FHIT: variants seen among roughly 807,000 people sequenced by gnomAD.
The protein encoded by FHIT is bis(5'-adenosyl)-triphosphatase.
Under a neutral mutation model 17.9 loss-of-function variants are expected in FHIT, and 19 were observed. The observed-to-expected ratio is 1.06, with a 90% confidence interval of 0.74 to 1.56. The LOEUF (loss-of-function observed/expected upper bound fraction) is 1.56, where lower values mean the gene tolerates loss of function less well. Ranked by LOEUF, FHIT falls within the 40% of genes most tolerant of loss-of-function variation. The probability of loss-of-function intolerance (pLI) is 0.00; values close to 1 mark genes in which losing one functional copy is unlikely to be tolerated. For synonymous variants in FHIT, 81 were observed against 69.7 expected (o/e 1.16, Z -0.81); for missense variants, 248 against 189.2 (o/e 1.31, Z -1.82).
At chr3:60,431,845 AT>A (rs1276926444) in intron 5 of FHIT, among the ~76,000 whole-genome samples, 1 of 152,070 alleles carries the variant, frequency 6.6e-6, no homozygotes, top group African/African-American at 2.4e-5. Flanking sequence ...CTGAGACAAA[AT>A]TAACTGTTGC....
chr3:60,570,390 C>T (rs2037332937), intron 4 of FHIT, among the ~76,000 whole-genome samples: 1 of 152,076 alleles, frequency 6.6e-6, no homozygotes, highest in South Asian at 2.1e-4. Context: ...AATACATCTC[C>T]AGGCACAGCA....
At chr3:59,949,851 G>T (rs1420421541) in intron 7 of FHIT, among the ~76,000 whole-genome samples, 3 of 152,114 alleles carry the variant, frequency 2.0e-5, no homozygotes, top group African/African-American at 7.2e-5. Context: ...ATTGCTGATG[G>T]GGAACGCAGG....
intron 8 of FHIT, among the ~76,000 whole-genome samples, chr3:59,787,529 C>CACA (rs926298770): frequency 6.1e-5 from 9 of 147,710 alleles, no homozygotes; most frequent in African/African-American, 2.3e-4. Flanking sequence ...CACACACACA[C>CACA]GTCAAAGGCT....
intron 3 of FHIT, among the ~76,000 whole-genome samples, chr3:61,040,405 A>C (rs1396949465): frequency 3.9e-5 from 6 of 152,252 alleles, no homozygotes; most frequent in Non-Finnish European, 7.3e-5. Context: ...GGATAAGGTG[A>C]TAGGCCACCA....
At chr3:59,913,224 A>C (rs925346169) in intron 8 of FHIT, among the ~76,000 whole-genome samples, 1 of 151,902 alleles carries the variant, frequency 6.6e-6, no homozygotes, top group Non-Finnish European at 1.5e-5. Context: ...TGTGTGTGTA[A>C]ATGTCTCTAA....
rs150128744 is a variant in FHIT at position 60,157,470 on chromosome 3, T to C, written c.104-143318A>G. Among the ~76,000 whole-genome samples the C allele has an allele frequency of 1.6e-4, 25 of 152,302 alleles. No homozygotes were observed. The East Asian group carries it at 4.8e-3, about 29-fold the overall frequency. ...TGTCCCTTCTAGTTTGAATATTCTA[T>C]GATATTCTGAAAAAAAATAATAATA... is the stretch of plus-strand genomic sequence containing the variant. On this transcript the variant is annotated intron_variant, in intron 5 of 9. Coordinates refer to ENST00000492590, the MANE Select transcript of FHIT (RefSeq NM_002012.4).
At chr3:59,856,049 G>A (rs1258681261) in intron 8 of FHIT, among the ~76,000 whole-genome samples, 1 of 152,040 alleles carries the variant, frequency 6.6e-6, no homozygotes, top group African/African-American at 2.4e-5. Flanking sequence ...CCAAAGTGCT[G>A]GGATTACAGG....
chr3:61,092,249 C>A (rs1189362560), intron 2 of FHIT, among the ~76,000 whole-genome samples: 2 of 152,024 alleles, frequency 1.3e-5, no homozygotes. Context: ...AGGGAAAAAT[C>A]TACTTTATAA....
chr3:60,942,526 G>C (rs1553774801), intron 3 of FHIT, among the ~76,000 whole-genome samples: 1 of 151,506 alleles, frequency 6.6e-6, no homozygotes, highest in African/African-American at 2.4e-5. Context: ...TCTATATTTA[G>C]CTCCCATTTT....
chr3:60,539,514 T>C (rs2036108479), intron 4 of FHIT, among the ~76,000 whole-genome samples: 1 of 152,076 alleles, frequency 6.6e-6, no homozygotes, highest in African/African-American at 2.4e-5. Context: ...TGCGGCACTA[T>C]TCACAATAGC....
chr3:60,449,492 A>C (rs12629110), intron 5 of FHIT, among the ~76,000 whole-genome samples: 10,521 of 152,098 alleles, frequency 0.069, 816 homozygotes, highest in East Asian at 0.38. Context: ...TGTTCTGGGA[A>C]ATGCATTGTT....
chr3:60,713,057 G>C (rs1194013621), intron 4 of FHIT, among the ~76,000 whole-genome samples: 1 of 152,190 alleles, frequency 6.6e-6, no homozygotes, highest in East Asian at 1.9e-4. Context: ...CGTAAAAGAA[G>C]AGAAATTATA....
intron 4 of FHIT, among the ~76,000 whole-genome samples, chr3:60,620,921 C>T (rs186052029): frequency 3.3e-5 from 5 of 152,074 alleles, no homozygotes; most frequent in Admixed American, 1.3e-4. Context: ...ACTCTGCACT[C>T]GTTGCTCAAT....
At chr3:60,275,810 CA>C (rs1351986043) in intron 5 of FHIT, among the ~76,000 whole-genome samples, 2 of 152,138 alleles carry the variant, frequency 1.3e-5, no homozygotes, top group African/African-American at 4.8e-5. Context: ...GGTCTTTCGG[CA>C]TCAGTCCTAT....
chr3:60,350,598 G>A (rs1405824886), intron 5 of FHIT, among the ~76,000 whole-genome samples: 1 of 152,102 alleles, frequency 6.6e-6, no homozygotes, highest in Non-Finnish European at 1.5e-5. Context: ...CAAGTAAGAG[G>A]TGACTTCCTC....
rs138509005 is a variant in FHIT, at chr3:61,042,310, T to A, written c.-163-211A>T. On this transcript the variant is annotated intron_variant, in intron 2 of 9. Coordinates refer to ENST00000492590, the MANE Select transcript of FHIT (RefSeq NM_002012.4). ...AGTAAATTAAATGGTTAAAAGCATATAACCTACCTGGGACATCTTGTAGGG... is the reference window on the plus strand; with the variant it reads ...AGTAAATTAAATGGTTAAAAGCATAAAACCTACCTGGGACATCTTGTAGGG... Among the ~76,000 whole-genome samples the A allele has an allele frequency of 2.5e-3, 378 of 152,316 alleles. 2 individuals are homozygous for A. Among genetic ancestry groups the A allele is most frequent in the African/African-American group, 8.3e-3 (343 of 41,566 alleles).
At chr3:60,742,418 A>G (rs2108011672) in intron 4 of FHIT, among the ~76,000 whole-genome samples, 1 of 152,290 alleles carries the variant, frequency 6.6e-6, no homozygotes, top group Admixed American at 6.5e-5. Flanking sequence ...CTGAAGGTCT[A>G]TATTCTTCAT....
intron 2 of FHIT, among the ~76,000 whole-genome samples, chr3:61,070,094 A>C (rs1351195055): frequency 6.6e-6 from 1 of 152,098 alleles, no homozygotes; most frequent in East Asian, 1.9e-4. Context: ...GGGTTTCACC[A>C]TGTTGGCCAG....
At chr3:60,949,314 G>A (rs563623617) in intron 3 of FHIT, among the ~76,000 whole-genome samples, 5 of 152,238 alleles carry the variant, frequency 3.3e-5, no homozygotes, top group East Asian at 1.9e-4. Flanking sequence ...TTTAGCTAGC[G>A]TGGATGCCAG....
Sources: allele counts gnomAD v4.1 joint callset (sites outside exome capture counted in the v4.1 genomes callset), GRCh38; gene constraint gnomAD v4.1.1; transcripts MANE v1.5; gene names NCBI Gene and HGNC (gene_info 2026-07-23, HGNC 2026-07-21).